Variants in PICALM observed in about 807,000 individuals in gnomAD.
PICALM encodes phosphatidylinositol binding clathrin assembly protein, also known as phosphatidylinositol-binding clathrin assembly protein.
In PICALM, 40 loss-of-function variants were observed where a neutral mutation model predicts 80.5. The observed-to-expected ratio is 0.50, with a 90% CI of 0.39 to 0.65. The LOEUF (loss-of-function observed/expected upper bound fraction) is 0.65, where lower values mean the gene tolerates loss of function less well. Among genes scored for constraint, PICALM ranks in the 30% least tolerant of loss-of-function variants. The pLI, the probability that PICALM is intolerant of heterozygous loss-of-function variation, is 0.00. For missense variants in PICALM, 676 were observed against 778.9 expected, an observed-to-expected ratio of 0.87 and a Z score of 1.57; for synonymous variants, 288 against 260.3, an observed-to-expected ratio of 1.11 and a Z score of -1.02.
intron 17 of PICALM, among the ~76,000 whole-genome samples, chr11:85,980,132 C>T (rs1368289710): frequency 1.3e-5 from 2 of 152,182 alleles, no homozygotes; most frequent in Non-Finnish European, 2.9e-5. Flanking sequence ...GCCATTCATG[C>T]TCATTTGCAG....
At chr11:85,968,930 A>G (rs2093999607) in intron 19 of PICALM, among the ~76,000 whole-genome samples, 2 of 150,272 alleles carry the variant, frequency 1.3e-5, no homozygotes, top group Non-Finnish European at 3.0e-5. Context: ...TATCTAAAAA[A>G]TACAGAAAAA....
chr11:86,061,014 T>A (rs1321736719), intron 1 of PICALM, among the ~76,000 whole-genome samples: 3 of 152,056 alleles, frequency 2.0e-5, no homozygotes, highest in Non-Finnish European at 4.4e-5. Flanking sequence ...AGGCACAGAC[T>A]GGGAGAAAAT....
chr11:86,010,169 G>T (rs2095367109), intron 7 of PICALM, among the ~76,000 whole-genome samples: 1 of 152,120 alleles, frequency 6.6e-6, no homozygotes, highest in Admixed American at 6.6e-5. Context: ...GTGGTAGCAA[G>T]ATAATGCCTG....
At chr11:86,051,076 T>C (rs545592) in intron 1 of PICALM, among the ~76,000 whole-genome samples, 66,296 of 151,910 alleles carry the variant, frequency 0.44, 14,660 homozygotes, top group East Asian at 0.6. Flanking sequence ...TAATAAGATA[T>C]GCAAATTCAA....
chr11:86,025,707 C>T (rs1225701457), intron 3 of PICALM, among the ~76,000 whole-genome samples: 1 of 151,828 alleles, frequency 6.6e-6, no homozygotes, highest in African/African-American at 2.4e-5. Context: ...TACAGGTGTG[C>T]ACCACCAATC....
intron 3 of PICALM, among the ~76,000 whole-genome samples, chr11:86,025,969 T>A (rs2095643576): frequency 6.6e-6 from 1 of 152,166 alleles, no homozygotes; most frequent in Admixed American, 6.5e-5. Flanking sequence ...ATTACTCGAT[T>A]CTACTGATGC....
At chr11:86,059,726 C>T (rs1449872334) in intron 1 of PICALM, among the ~76,000 whole-genome samples, 1 of 152,172 alleles carries the variant, frequency 6.6e-6, no homozygotes, top group Non-Finnish European at 1.5e-5. Context: ...CATGACACTA[C>T]ACTCCAGCTT....
At chr11:86,054,376 A>C (rs1269425241) in intron 1 of PICALM, among the ~76,000 whole-genome samples, 1 of 152,188 alleles carries the variant, frequency 6.6e-6, no homozygotes, top group Non-Finnish European at 1.5e-5. Context: ...GGAGGGCTCT[A>C]AAATGAAGAC....
At chr11:85,978,806 T>C (rs1225232412) in intron 17 of PICALM, 1 of 152,208 alleles carries the variant, frequency 6.6e-6, no homozygotes, top group African/African-American at 2.4e-5. Flanking sequence ...AAGTGCTATC[T>C]ATGAACTCCT....
At position 86,045,233 on chromosome 11, in the gene PICALM, T is replaced by C. The variant is rs190723133; in HGVS notation, c.131-13622A>G. On this transcript the variant is annotated intron_variant, in intron 1 of 19. Transcript: ENST00000393346. The stretch of plus-strand genomic sequence containing the variant: ...CCTAATAAGTTTAATATTACGCCTT[T>C]AAGTTTCTACAAGAAGGAAAAATCA... Among the ~76,000 whole-genome samples, 870 of 152,210 alleles carry C rather than the reference T, an allele frequency of 5.7e-3. 6 individuals are homozygous for C. The highest frequency in any genetic ancestry group is 0.034 in the South Asian group (164 of 4,822).
chr11:85,977,267 T>C (rs1036272146), intron 17 of PICALM, among the ~76,000 whole-genome samples: 8 of 152,248 alleles, frequency 5.3e-5, no homozygotes, highest in African/African-American at 1.9e-4. Context: ...GTACGTTAGC[T>C]TTCTAATTTA....
At chr11:85,973,940 A>AT (rs1251895475) in intron 19 of PICALM, among the ~76,000 whole-genome samples, 1 of 152,204 alleles carries the variant, frequency 6.6e-6, no homozygotes, top group Non-Finnish European at 1.5e-5. Context: ...ACACAGAAGG[A>AT]TAAACCATCC....
Position 86,068,759 on chromosome 11 carries a change from C to G in PICALM, c.22G>C (p.Asp8His). Reference sequence around the variant, plus strand: ...CTGTGCTGGGCGGCAGTGATTCGGTCCGTCAGGCTCTGGCCGGACATCTCT... The same window carrying G: ...CTGTGCTGGGCGGCAGTGATTCGGTGCGTCAGGCTCTGGCCGGACATCTCT... MSGQSLT[D>H]RITAAQHSVT... The change falls in exon 1 of 20, where the codon GAC becomes CAC. Residue 8 changes from aspartate to histidine, a missense_variant. Around this residue, in one of 2 missense-constraint regions of PICALM, gnomAD observed 285 missense variants for 395.4 expected, o/e 0.72. Transcript: ENST00000393346. 6.2e-7 allele frequency: 1 copy of G among 1,610,998 alleles called. No individual in the cohort carries two copies. The highest frequency in any genetic ancestry group is 8.5e-7 in the Non-Finnish European group (1 of 1,179,500).
intron 4 of PICALM, among the ~76,000 whole-genome samples, chr11:86,018,268 G>A (rs1402445920): frequency 2.0e-5 from 3 of 152,134 alleles, no homozygotes; most frequent in Admixed American, 2.0e-4. Flanking sequence ...AAGGAAGGGG[G>A]AGTGTGCTCA....
Position 86,068,641 on chromosome 11 carries a change from C to G in PICALM, c.130+10G>C. On this transcript the variant is annotated intron_variant, in intron 1 of 19. Transcript: ENST00000393346. ...GCCGGGGAGCGGGGGCCGCGGTCGG[C>G]TTCACTCACAGTCCAGGTGCTTTTT... is the stretch of plus-strand genomic sequence containing the variant. 1 of 1,604,444 alleles carries G rather than the reference C, an allele frequency of 6.2e-7. No individual in the cohort carries two copies. The highest frequency in any genetic ancestry group is 8.5e-7 in the Non-Finnish European group (1 of 1,176,626).
intron 5 of PICALM, 142 bp from the exon 6 acceptor site, chr11:86,012,534 CATAA>C (rs1468624747): frequency 3.7e-6 from 2 of 536,196 alleles, no homozygotes; most frequent in East Asian, 2.9e-5. Flanking sequence ...CTAATACATA[CATAA>C]AGATCACGGT....
At chr11:86,064,913 A>C (rs2137818948) in intron 1 of PICALM, among the ~76,000 whole-genome samples, 1 of 152,158 alleles carries the variant, frequency 6.6e-6, no homozygotes, top group South Asian at 2.1e-4. Context: ...CATCTCTCCA[A>C]AAATAAAAAG....
chr11:86,053,251 T>C (rs759616303), intron 1 of PICALM, among the ~76,000 whole-genome samples: 2 of 152,210 alleles, frequency 1.3e-5, no homozygotes, highest in South Asian at 2.1e-4. Flanking sequence ...AACTCGAGTA[T>C]ATTCTTGTAA....
At chr11:85,992,316 G>C (rs1218534716) in intron 12 of PICALM, among the ~76,000 whole-genome samples, 4 of 149,422 alleles carry the variant, frequency 2.7e-5, no homozygotes, top group African/African-American at 9.9e-5. Flanking sequence ...AGTCGAACTC[G>C]CTGTGTTGTC....
Sources: allele counts gnomAD v4.1 joint callset (sites outside exome capture counted in the v4.1 genomes callset), GRCh38; gene constraint gnomAD v4.1.1; regional missense constraint gnomAD v4.1.1; transcripts MANE v1.5; gene names NCBI Gene and HGNC (gene_info 2026-07-23, HGNC 2026-07-21).